DLG4: variants seen among roughly 807,000 people sequenced by gnomAD.
The protein encoded by DLG4 is disks large homolog 4.
A neutral mutation model predicts 93.8 loss-of-function variants in DLG4; 7 were observed. That is an observed-to-expected ratio of 0.07 (90% CI 0.04 to 0.14). DLG4 has a LOEUF of 0.14. DLG4 is among the 10% of genes least tolerant of loss of function. The probability of loss-of-function intolerance (pLI) is 1.00; values close to 1 mark genes in which losing one functional copy is unlikely to be tolerated. For synonymous variants in DLG4, 341 were observed against 387.6 expected (o/e 0.88, Z 1.41); for missense variants, 545 against 992.9 (o/e 0.55, Z 6.06).
Position 7,196,349 on chromosome 17 carries a change from G to A in DLG4, c.1187-15C>T, listed in dbSNP as rs1280759043. On this transcript the variant is annotated splice_polypyrimidine_tract_variant and intron_variant, in intron 10 of 19. Coordinates refer to ENST00000399506, the MANE Select transcript of DLG4 (RefSeq NM_001321075.3). This position sits in a 1 kb window ranked among gnomAD's most constrained non-coding sequence, Gnocchi z 8.3. ...TCGGCTGTACTCTGAGGAAGGACAG[G>A]GAGGTTTCTGAGCTCTGTCCCCATC... is the stretch of plus-strand genomic sequence containing the variant. The A allele has an allele frequency of 1.2e-6, 2 of 1,613,266 alleles. No homozygotes were observed. The highest frequency in any genetic ancestry group is 2.2e-5 in the South Asian group (2 of 91,070).
In DLG4 at chr17:7,191,464, CAAA is replaced by C; in HGVS notation, c.1977-109_1977-107del. 2 of 674,162 alleles carry C rather than the reference CAAA, an allele frequency of 3.0e-6. No homozygotes were observed. Among genetic ancestry groups the C allele is most frequent in the Non-Finnish European group, 4.7e-6 (2 of 427,470 alleles). 41.8% of individuals were successfully genotyped at this position (674,162 alleles called of 1,614,324 possible). ...GTATTCTTCTATTTGGAGCACATAG[CAAA>C]AAAAAAAATACAATTCCCAATATCC... is the stretch of plus-strand genomic sequence containing the variant. On this transcript the variant is annotated intron_variant, in intron 18 of 19. Transcript: ENST00000399506. This position sits in a 1 kb window ranked among gnomAD's most constrained non-coding sequence, Gnocchi z 6.6.
At position 7,203,689 on chromosome 17, in the gene DLG4, C is replaced by T. The variant is rs1434259756; in HGVS notation, c.335+3G>A. The T allele has an allele frequency of 6.2e-7, 1 of 1,613,824 alleles. No homozygotes were observed. Among genetic ancestry groups the T allele is most frequent in the Admixed American group, 1.7e-5 (1 of 60,008 alleles). On this transcript the variant is annotated splice_donor_region_variant and intron_variant, in intron 5 of 19. Transcript: ENST00000399506. The surrounding 1 kb of genome is among the most constrained non-coding windows in gnomAD (Gnocchi z 7.2). ...CAACCTAACCCCTGTCTCCTCTCCCCACCTGAGGCGGCCATCCTGGGCCGC... is the reference window on the plus strand; with the variant it reads ...CAACCTAACCCCTGTCTCCTCTCCCTACCTGAGGCGGCCATCCTGGGCCGC...
chr17:7,208,345 C>G lies in DLG4; in HGVS notation c.31-106G>C. ...CCCCCAGCCAGTGCAGTGCGGAAGG[C>G]CCTGGGGCCTGACCAGCTCCTCCCC... On this transcript the variant is annotated intron_variant, in intron 1 of 19. Coordinates refer to ENST00000399506, the MANE Select transcript of DLG4 (RefSeq NM_001321075.3). This position sits in a 1 kb window ranked among gnomAD's most constrained non-coding sequence, Gnocchi z 5.4. 2.9e-6 allele frequency: 3 copies of G among 1,047,740 alleles called. No individual in the cohort carries two copies. The highest frequency in any genetic ancestry group is 3.8e-6 in the Non-Finnish European group (3 of 793,022). The allele number at this position is 1,047,740 out of a possible 1,614,324, so 64.9% of individuals were successfully genotyped here.
At chr17:7,213,010 G>A (rs1323421081) in intron 1 of DLG4, among the ~76,000 whole-genome samples, 1 of 152,104 alleles carries the variant, frequency 6.6e-6, no homozygotes, top group Non-Finnish European at 1.5e-5. Flanking sequence ...TCTAGCCTAG[G>A]CGACAGAGTG....
rs767219567 is a variant in DLG4, at chr17:7,190,818, G to C, written c.2069-4C>G. The C allele has an allele frequency of 6.2e-7, 1 of 1,612,752 alleles. No individual in the cohort carries two copies. Among genetic ancestry groups the C allele is most frequent in the South Asian group, 1.1e-5 (1 of 91,050 alleles). On this transcript the variant is annotated splice_polypyrimidine_tract_variant and splice_region_variant and intron_variant, in intron 19 of 19. Coordinates refer to ENST00000399506, the MANE Select transcript of DLG4 (RefSeq NM_001321075.3). ...AAGCTGTCACCCTCCACGATGGCTG[G>C]GAGTGGGGTGGAGCAGGGAGTGAGG...
chr17:7,217,288 G>A lies in DLG4; in HGVS notation c.-141C>T. On this transcript the variant is annotated 5_prime_UTR_variant, in exon 1 of 20. Coordinates refer to ENST00000399506, the MANE Select transcript of DLG4 (RefSeq NM_001321075.3). ...GCCAGGATGGGGGGAGGGGTGAGAG[G>A]GGAAGGAGGGGGTTGGAGAAGGGAA... The A allele has an allele frequency of 8.8e-7, 1 of 1,137,944 alleles. No individual in the cohort carries two copies. The highest frequency in any genetic ancestry group is 1.1e-6 in the Non-Finnish European group (1 of 890,138). 70.5% of individuals were successfully genotyped at this position (1,137,944 alleles called of 1,614,324 possible).
intron 2 of DLG4, chr17:7,204,500 C>G: frequency 4.6e-6 from 2 of 436,530 alleles, no homozygotes; most frequent in East Asian, 3.6e-5. Flanking sequence ...GCCCGGGGCC[C>G]CCTGCATGTG....
In DLG4 at chr17:7,187,547, C is replaced by CAATAATAAT. The variant is rs61283875; in HGVS notation, c.*3152_*3160dup. ...GGCAACAAGAGCGAAACTCTGTCTC[C>CAATAATAAT]AATAATAATAATAATAATAATAATA... On this transcript the variant is annotated 3_prime_UTR_variant, in exon 20 of 20. Transcript: ENST00000399506. Among the ~76,000 whole-genome samples, 11,841 of 145,750 alleles carry CAATAATAAT rather than the reference C, an allele frequency of 0.081. 570 individuals are homozygous for CAATAATAAT. The highest frequency in any genetic ancestry group is 0.11 in the Middle Eastern group (31 of 288).
intron 2 of DLG4, among the ~76,000 whole-genome samples, chr17:7,207,770 T>TGCACACACGCACAG (rs1448493637): frequency 6.6e-6 from 1 of 150,524 alleles, no homozygotes; most frequent in Admixed American, 6.6e-5. Flanking sequence ...CACGCATGCA[T>TGCACACACGCACAG]GCACACACGC....
intron 8 of DLG4, among the ~76,000 whole-genome samples, 156 bp from the exon 9 acceptor site, chr17:7,197,208 A>G (rs754764472): frequency 6.6e-6 from 1 of 152,114 alleles, no homozygotes; most frequent in Non-Finnish European, 1.5e-5. Context: ...ATCAGATCAC[A>G]GTGACATCAG....
At chr17:7,205,190 G>C in intron 2 of DLG4, 1 of 984,352 alleles carries the variant, frequency 1.0e-6, no homozygotes. Flanking sequence ...CAGGAACTGG[G>C]AGTGGTGAAA....
chr17:7,198,211 C>T (rs1397956898), intron 8 of DLG4, among the ~76,000 whole-genome samples: 4 of 152,262 alleles, frequency 2.6e-5, no homozygotes, highest in East Asian at 3.9e-4. Flanking sequence ...CGACCAGGCA[C>T]GATGGCTCAT....
chr17:7,200,347 C>T (rs749995476), intron 8 of DLG4, among the ~76,000 whole-genome samples: 1 of 152,180 alleles, frequency 6.6e-6, no homozygotes, highest in Non-Finnish European at 1.5e-5. Context: ...CTCACCCCTT[C>T]CAGTCTTGTT....
chr17:7,207,502 CAG>C (rs999953373), intron 2 of DLG4, among the ~76,000 whole-genome samples: 2 of 151,528 alleles, frequency 1.3e-5, no homozygotes, highest in Non-Finnish European at 2.9e-5. Context: ...GACTTGGGGA[CAG>C]GGCGAGCCAG....
intron 1 of DLG4, among the ~76,000 whole-genome samples, chr17:7,214,556 A>G (rs1299823473): frequency 6.6e-6 from 1 of 152,166 alleles, no homozygotes; most frequent in Non-Finnish European, 1.5e-5. Flanking sequence ...GCTTTGCCCA[A>G]TAAGGACCAC....
Position 7,193,786 on chromosome 17 carries a change from T to A in DLG4, c.1543+58A>T. On this transcript the variant is annotated intron_variant, in intron 14 of 19. Transcript: ENST00000399506. This position sits in a 1 kb window ranked among gnomAD's most constrained non-coding sequence, Gnocchi z 6.7. ...TGGAGCCCTGTCTCCCCCTTGAGGA[T>A]ATCAAAAGCAACTCAGTGCTCCTCT... 2 of 1,611,682 alleles carry A rather than the reference T, an allele frequency of 1.2e-6. No homozygotes were observed. The highest frequency in any genetic ancestry group is 1.7e-6 in the Non-Finnish European group (2 of 1,178,926).
At chr17:7,197,075 G>A in intron 8 of DLG4, 23 bp from the exon 9 acceptor site, 5 of 1,578,036 alleles carry the variant, frequency 3.2e-6, no homozygotes, top group Non-Finnish European at 4.3e-6. Context: ...GGGCAGAGAT[G>A]AAAGTGCCTG....
At chr17:7,219,806 C>G (rs1032863954), upstream of DLG4, 15 of 1,524,656 alleles carry the variant, frequency 9.8e-6, no homozygotes, top group Non-Finnish European at 1.3e-5. Flanking sequence ...TCTAAGTCAG[C>G]GGAACGCAGG....
At chr17:7,212,429 T>C (rs138760711) in intron 1 of DLG4, among the ~76,000 whole-genome samples, 1 of 152,320 alleles carries the variant, frequency 6.6e-6, no homozygotes, top group African/African-American at 2.4e-5. Flanking sequence ...GATGTTGCAA[T>C]TAGTGCAAAT....
Sources: allele counts gnomAD v4.1 joint callset (sites outside exome capture counted in the v4.1 genomes callset), GRCh38; gene constraint gnomAD v4.1.1; non-coding constraint Gnocchi (gnomAD v3.1); transcripts MANE v1.5; gene names NCBI Gene and HGNC (gene_info 2026-07-23, HGNC 2026-07-21).